Variants in OLFM3 observed in about 807,000 individuals in gnomAD.
The protein encoded by OLFM3 is noelin-3.
In OLFM3, 20 loss-of-function variants were observed where a neutral mutation model predicts 48.6. That is an observed-to-expected ratio of 0.41 (90% confidence interval 0.29 to 0.60). The LOEUF (loss-of-function observed/expected upper bound fraction) is 0.60. Among genes scored for constraint, OLFM3 ranks in the 20% least tolerant of loss-of-function variants. The pLI is 0.28. For missense variants in OLFM3, 437 were observed against 544.3 expected, an observed-to-expected ratio of 0.80 and a Z score of 1.96; for synonymous variants, 222 against 198.1, an observed-to-expected ratio of 1.12 and a Z score of -1.01.
At chr1:101,883,756 A>G (rs1181632587) in intron 1 of OLFM3, among the ~76,000 whole-genome samples, 1 of 151,970 alleles carries the variant, frequency 6.6e-6, no homozygotes, top group Non-Finnish European at 1.5e-5. Context: ...ATATAATTGC[A>G]TTTTTGTATT....
chr1:101,952,649 TA>T, intron 1 of OLFM3, among the ~76,000 whole-genome samples: 1 of 152,194 alleles, frequency 6.6e-6, no homozygotes, highest in Non-Finnish European at 1.5e-5. Context: ...AAATATTATC[TA>T]AAAATAATGA....
At chr1:101,988,901 A>G (rs1454376463) in intron 1 of OLFM3, among the ~76,000 whole-genome samples, 1 of 152,108 alleles carries the variant, frequency 6.6e-6, no homozygotes, top group Non-Finnish European at 1.5e-5. Context: ...GTGATTAGGA[A>G]TTGTTTTGCA....
chr1:101,949,798 T>C (rs1660067579), intron 1 of OLFM3, among the ~76,000 whole-genome samples: 5 of 151,668 alleles, frequency 3.3e-5, no homozygotes, highest in African/African-American at 7.3e-5. Flanking sequence ...GGCGTCGTGG[T>C]GGGCACCTGT....
At chr1:101,959,622 T>A (rs1660408089) in intron 1 of OLFM3, among the ~76,000 whole-genome samples, 1 of 152,136 alleles carries the variant, frequency 6.6e-6, no homozygotes, top group Admixed American at 6.5e-5. Flanking sequence ...TCTGTTGCCG[T>A]TGGGTTGCAA....
intron 3 of OLFM3, among the ~76,000 whole-genome samples, chr1:101,828,038 G>GTCTCTCTCTCTC (rs1654956578): frequency 1.3e-5 from 1 of 78,774 alleles, no homozygotes; most frequent in Admixed American, 1.1e-4. Flanking sequence ...CTCTCTGTCT[G>GTCTCTCTCTCTC]TCTGTCTGTC....
At chr1:101,973,343 C>G (rs189817006) in intron 1 of OLFM3, among the ~76,000 whole-genome samples, 5 of 152,134 alleles carry the variant, frequency 3.3e-5, no homozygotes, top group Non-Finnish European at 7.3e-5. Flanking sequence ...CATAGATGTT[C>G]CAACTGAAGA....
chr1:101,962,233 TA>T (rs1660488831), intron 1 of OLFM3, among the ~76,000 whole-genome samples: 1 of 152,142 alleles, frequency 6.6e-6, no homozygotes, highest in Non-Finnish European at 1.5e-5. Context: ...TTCAATGCAA[TA>T]AACCTGTATG....
chr1:101,873,376 A>C (rs536856151), intron 1 of OLFM3, among the ~76,000 whole-genome samples: 1 of 152,038 alleles, frequency 6.6e-6, no homozygotes, highest in South Asian at 2.1e-4. Flanking sequence ...ATTGTCTTCA[A>C]TATATGAAAT....
chr1:101,971,154 C>G (rs146782128), intron 1 of OLFM3, among the ~76,000 whole-genome samples: 48 of 152,220 alleles, frequency 3.2e-4, no homozygotes, highest in African/African-American at 1.2e-3. Flanking sequence ...ATTAAAAATA[C>G]AGTATAAGAG....
At chr1:101,956,111 AC>A (rs1660291465) in intron 1 of OLFM3, among the ~76,000 whole-genome samples, 1 of 117,758 alleles carries the variant, frequency 8.5e-6, no homozygotes, top group Non-Finnish European at 1.7e-5. Flanking sequence ...TTTAAAAAAA[AC>A]CTTTACAGAA....
At chr1:101,992,625 CTT>C (rs5776617) in intron 1 of OLFM3, among the ~76,000 whole-genome samples, 1,671 of 146,256 alleles carry the variant, frequency 0.011, 23 homozygotes, top group African/African-American at 0.034. Flanking sequence ...ATTTCTCTTG[CTT>C]TTTTTTTTTT....
chr1:101,937,320 T>TA (rs1397087848), intron 1 of OLFM3, among the ~76,000 whole-genome samples: 2 of 152,170 alleles, frequency 1.3e-5, no homozygotes, highest in Non-Finnish European at 2.9e-5. Flanking sequence ...CATAAAACAA[T>TA]ACAAACATGC....
In OLFM3 at chr1:101,846,796, C is replaced by T. The variant is rs750929769; in HGVS notation, c.70-9771G>A. ...TTTGCAATTTACAAAACAAAGCCCA[C>T]TAAATGCACTTACTTCTCAAGATGG... On this transcript the variant is annotated intron_variant, in intron 1 of 5. Transcript: ENST00000370103. The T allele has an allele frequency of 1.8e-5, 25 of 1,412,964 alleles. No homozygotes were observed. In the Admixed American group the frequency reaches 3.4e-4, roughly 19 times the overall value. 87.5% of individuals were successfully genotyped at this position (1,412,964 alleles called of 1,614,324 possible). A position where few individuals can be genotyped will look rare whatever the true frequency, so the allele number is the denominator to read the frequency against.
At chr1:101,973,642 A>G (rs1049758090) in intron 1 of OLFM3, among the ~76,000 whole-genome samples, 34 of 152,190 alleles carry the variant, frequency 2.2e-4, no homozygotes, top group Admixed American at 2.2e-3. Context: ...GAAACCATGA[A>G]AAATCAGTAG....
chr1:101,925,617 C>A (rs1659247727), intron 1 of OLFM3, among the ~76,000 whole-genome samples: 1 of 152,030 alleles, frequency 6.6e-6, no homozygotes, highest in Non-Finnish European at 1.5e-5. Flanking sequence ...CTCCTGGGCT[C>A]AAGAAATTCT....
intron 1 of OLFM3, among the ~76,000 whole-genome samples, chr1:101,892,756 T>C (rs1310743745): frequency 6.6e-6 from 1 of 152,074 alleles, no homozygotes; most frequent in Non-Finnish European, 1.5e-5. Flanking sequence ...TCTTCTTTAC[T>C]GTAAGCATTA....
At chr1:101,819,222 C>A (rs138423156) in intron 4 of OLFM3, among the ~76,000 whole-genome samples, 1 of 151,846 alleles carries the variant, frequency 6.6e-6, no homozygotes, top group Non-Finnish European at 1.5e-5. Context: ...AGAAAGCATG[C>A]GCAATTGAGA....
In OLFM3 at chr1:101,825,055, GT is replaced by G; in HGVS notation, c.562del (p.Thr188GlnfsTer7). On this transcript the variant is annotated frameshift_variant, in exon 4 of 6. Coordinates refer to ENST00000370103, the MANE Select transcript of OLFM3 (RefSeq NM_058170.4). LOFTEE classifies it high-confidence loss of function. ...CTTTTTCATGCAGTCACGAAGTCTT[GT>G]TTCCAAGCTCAGCACTCTTTGGTGT... ...ELHQRVLSLE[T>X]RLRDCMKKLT... 1.2e-6 allele frequency: 2 copies of G among 1,614,062 alleles called. No individual in the cohort carries two copies. The highest frequency in any genetic ancestry group is 1.7e-6 in the Non-Finnish European group (2 of 1,179,946).
intron 4 of OLFM3, among the ~76,000 whole-genome samples, chr1:101,815,740 A>G (rs1371280754): frequency 1.3e-5 from 2 of 152,244 alleles, no homozygotes; most frequent in Non-Finnish European, 2.9e-5. Context: ...AGAATCCAAC[A>G]GGGATAATTC....
Sources: allele counts gnomAD v4.1 joint callset (sites outside exome capture counted in the v4.1 genomes callset), GRCh38; gene constraint gnomAD v4.1.1; transcripts MANE v1.5; gene names NCBI Gene and HGNC (gene_info 2026-07-23, HGNC 2026-07-21).